The following FBXL18 variants were observed in gnomAD, a reference collection of about 807,000 sequenced individuals.
FBXL18 encodes the protein F-box and leucine rich repeat protein 18, also known as F-box/LRR-repeat protein 18.
Under a neutral mutation model 46.0 loss-of-function variants are expected in FBXL18, and 36 were observed. The ratio of observed to expected loss-of-function variants is 0.78; its 90% CI spans 0.60 to 1.03. The LOEUF (loss-of-function observed/expected upper bound fraction) is 1.03. Ranked by LOEUF, FBXL18 falls within the 50% of genes least tolerant of loss-of-function variation. The probability of loss-of-function intolerance (pLI) is 0.00; values close to 1 mark genes in which losing one functional copy is unlikely to be tolerated. For missense variants in FBXL18, 977 were observed against 1,004.1 expected (o/e 0.97, Z 0.36); for synonymous variants, 557 against 465.3 (o/e 1.20, Z -2.54).
At chr7:5,458,037 T>C (rs1478080616) in intron 4 of FBXL18, among the ~76,000 whole-genome samples, 2 of 152,118 alleles carry the variant, frequency 1.3e-5, no homozygotes, top group Non-Finnish European at 2.9e-5. Context: ...AAGCCTTATC[T>C]TTCTCTTCCA....
chr7:5,486,833 A>T (rs1303359281), intron 4 of FBXL18, among the ~76,000 whole-genome samples: 1 of 152,216 alleles, frequency 6.6e-6, no homozygotes, highest in Non-Finnish European at 1.5e-5. Flanking sequence ...GCTGAGACAC[A>T]GAGAGACGGT....
chr7:5,458,823 C>T (rs746580404), intron 4 of FBXL18, among the ~76,000 whole-genome samples: 6 of 152,096 alleles, frequency 3.9e-5, no homozygotes, highest in African/African-American at 7.2e-5. Flanking sequence ...GAAATGTCAA[C>T]GCTGGCTGCT....
At chr7:5,471,940 C>A (rs1783434001), downstream of FBXL18, among the ~76,000 whole-genome samples, 2 of 152,112 alleles carry the variant, frequency 1.3e-5, no homozygotes, top group Non-Finnish European at 2.9e-5. Context: ...CAGTAAGACC[C>A]TGTGTGGTGT....
chr7:5,486,730 A>G (rs1473117932), intron 4 of FBXL18, among the ~76,000 whole-genome samples: 1 of 152,224 alleles, frequency 6.6e-6, no homozygotes, highest in Non-Finnish European at 1.5e-5. Flanking sequence ...TGTCAGAGAC[A>G]GGAGGGTGAT....
intron 4 of FBXL18, among the ~76,000 whole-genome samples, chr7:5,462,834 C>T (rs1375066761): frequency 2.0e-5 from 3 of 148,930 alleles, no homozygotes; most frequent in East Asian, 2.0e-4. Context: ...GCCTATAGTC[C>T]CAGCTACTCG....
chr7:5,505,853 GATC>G (rs1784381710), intron 1 of FBXL18, among the ~76,000 whole-genome samples: 1 of 152,162 alleles, frequency 6.6e-6, no homozygotes, highest in African/African-American at 2.4e-5. Context: ...TACAAAAAAA[GATC>G]ATCATGTGTT....
At chr7:5,466,162 G>C (rs1317231041) in intron 4 of FBXL18, among the ~76,000 whole-genome samples, 1 of 140,458 alleles carries the variant, frequency 7.1e-6, no homozygotes, top group African/African-American at 2.6e-5. Flanking sequence ...AAAGACATCA[G>C]AGAATTTAAA....
chr7:5,495,768 C>T, intron 3 of FBXL18: 4 of 471,590 alleles, frequency 8.5e-6, no homozygotes, highest in Non-Finnish European at 1.8e-5. Flanking sequence ...GCTCCTTCCA[C>T]TGCAGCGTCC....
chr7:5,513,429 C>G (rs554714033), intron 1 of FBXL18, among the ~76,000 whole-genome samples: 1 of 151,856 alleles, frequency 6.6e-6, no homozygotes, highest in South Asian at 2.1e-4. Flanking sequence ...CAGGAATGCA[C>G]GAGCGAAGGG....
At chr7:5,483,716 C>CGCCA (rs1783704764) in intron 4 of FBXL18, among the ~76,000 whole-genome samples, 1 of 151,688 alleles carries the variant, frequency 6.6e-6, no homozygotes, top group Admixed American at 6.6e-5. Context: ...TGCACTCCAG[C>CGCCA]CTGGGCAACA....
At chr7:5,471,273 G>A (rs1487552750), downstream of FBXL18, among the ~76,000 whole-genome samples, 2 of 152,162 alleles carry the variant, frequency 1.3e-5, no homozygotes, top group Admixed American at 6.5e-5. Context: ...GGCTTCCAGT[G>A]CAAACCCTCG....
chr7:5,468,905 G>A (rs573100053), intron 4 of FBXL18, among the ~76,000 whole-genome samples: 4 of 152,246 alleles, frequency 2.6e-5, no homozygotes, highest in Admixed American at 6.6e-5. Context: ...CAGGGCCTAA[G>A]TTCACCTCTA....
chr7:5,497,641 C>T (rs1211189198), intron 3 of FBXL18, among the ~76,000 whole-genome samples: 1 of 152,186 alleles, frequency 6.6e-6, no homozygotes, highest in Admixed American at 6.5e-5. Context: ...TCCTGCCATG[C>T]CTTCTGCGGG....
chr7:5,458,222 G>A (rs2128230624), intron 4 of FBXL18, among the ~76,000 whole-genome samples: 1 of 152,200 alleles, frequency 6.6e-6, no homozygotes, highest in East Asian at 1.9e-4. Flanking sequence ...AGGGAGACGG[G>A]TCCACACTGT....
In FBXL18 at chr7:5,501,987, C is replaced by T; in HGVS notation, c.282G>A (p.Arg94=). The change falls in exon 3 of 5, where the codon CGG becomes CGA. Residue 94 remains arginine, a synonymous_variant. Coordinates refer to ENST00000382368, the MANE Select transcript of FBXL18 (RefSeq NM_024963.6). Reference sequence around the variant, plus strand: ...CAGCCATGCTCAGCTGCTGGATCTCCCGGCCGATCTCCTTCACCAGCTGCC... The same window carrying T: ...CAGCCATGCTCAGCTGCTGGATCTCTCGGCCGATCTCCTTCACCAGCTGCC... ...KVRQLVKEIG[R]EIQQLSMAGC... The T allele has an allele frequency of 6.2e-7, 1 of 1,607,316 alleles. No individual in the cohort carries two copies. The highest frequency in any genetic ancestry group is 8.5e-7 in the Non-Finnish European group (1 of 1,177,458).
chr7:5,481,800 T>A lies in FBXL18; in HGVS notation c.2132A>T (p.Glu711Val). The part of the protein sequence containing the change: ...EITLFKSRVA[E>V]EPPNLWW ...TCACCACCACAGGTTCGGCGGTTCC[T>A]CGGCCACTCTGCTCTTAAATAAGGT... The change falls in exon 5 of 5, where the codon GAG becomes GTG. Residue 711 changes from glutamate to valine, a missense_variant. Glu to Val is a moderately radical substitution (Grantham distance 121). Coordinates refer to ENST00000382368, the MANE Select transcript of FBXL18 (RefSeq NM_024963.6). 6.2e-7 allele frequency: 1 copy of A among 1,613,538 alleles called. No homozygotes were observed. The highest frequency in any genetic ancestry group is 8.5e-7 in the Non-Finnish European group (1 of 1,179,976).
chr7:5,492,557 C>T (rs1783958012), intron 3 of FBXL18, among the ~76,000 whole-genome samples: 1 of 152,076 alleles, frequency 6.6e-6, no homozygotes, highest in South Asian at 2.1e-4. Flanking sequence ...CACACACACA[C>T]TATGCAGGAG....
rs561424661 is a variant in FBXL18 at position 5,481,865 on chromosome 7, G to A, written c.2067C>T (p.Asp689=). ...IFPLLHEGLT[D]VIRDVPLVHL... ...GCACCAGGGGGACGTCCCGGATGAC[G>A]TCGGTCAGGCCCTCGTGGAGCAGAG... is the stretch of plus-strand genomic sequence containing the variant. Residue 689 remains aspartate (D), a synonymous_variant, in exon 5 of 5, where the codon GAC becomes GAT. Coordinates refer to ENST00000382368, the MANE Select transcript of FBXL18 (RefSeq NM_024963.6). The A allele has an allele frequency of 4.5e-5, 72 of 1,613,822 alleles. No homozygotes were observed. The highest frequency in any genetic ancestry group is 6.7e-5 in the African/African-American group (5 of 75,056).
chr7:5,510,335 A>G (rs13231223), intron 1 of FBXL18, among the ~76,000 whole-genome samples: 2 of 149,808 alleles, frequency 1.3e-5, no homozygotes, highest in Admixed American at 1.3e-4. Flanking sequence ...AAGAAAAAAA[A>G]ACCCAAGTTG....
Sources: gnomAD v4.1 joint callset for allele counts (sites outside exome capture counted in the v4.1 genomes callset) on GRCh38, gnomAD v4.1.1 for gene constraint, MANE v1.5 for transcripts, NCBI Gene and HGNC (gene_info 2026-07-23, HGNC 2026-07-21) for gene names.